Variants in HNRNPA3 observed in about 807,000 individuals in gnomAD.
HNRNPA3 encodes the protein heterogeneous nuclear ribonucleoprotein A3, also known as epididymis secretory sperm binding protein.
HNRNPA3 carries 3 observed loss-of-function variants against 45.8 expected under a neutral mutation model. That is an observed-to-expected ratio of 0.07 (90% CI 0.03 to 0.17). The LOEUF is 0.17. Ranked by LOEUF, HNRNPA3 falls within the 10% of genes least tolerant of loss-of-function variation. HNRNPA3 has a pLI of 1.00. For synonymous variants in HNRNPA3, 170 were observed against 155.6 expected (o/e 1.09, Z -0.69); for missense variants, 183 against 480.3 (o/e 0.38, Z 5.79).
chr2:177,216,828 ATTATT>A (rs776389029), intron 6 of HNRNPA3, 27 bp from the exon 7 acceptor site: 6 of 1,612,818 alleles, frequency 3.7e-6, no homozygotes, highest in South Asian at 1.1e-5. Flanking sequence ...AGTTGAATAT[ATTATT>A]TTAATTCATT....
intron 7 of HNRNPA3, among the ~76,000 whole-genome samples, 174 bp from the exon 8 acceptor site, chr2:177,217,531 A>G (rs964408623): frequency 4.6e-5 from 7 of 152,244 alleles, no homozygotes; most frequent in African/African-American, 1.7e-4. Flanking sequence ...CAGGAGACTG[A>G]GGTGGGAGAA....
In HNRNPA3 at chr2:177,215,527, T is replaced by A; in HGVS notation, c.73-12T>A. ...TGTAAGGTAACTTAAGAGTATTGGT[T>A]CTTTCTCTCAGGGCCATGATCCAAA... On this transcript the variant is annotated splice_polypyrimidine_tract_variant and intron_variant, in intron 1 of 10. Transcript: ENST00000392524. 1.2e-6 allele frequency: 2 copies of A among 1,613,774 alleles called. No homozygotes were observed. Among genetic ancestry groups the A allele is most frequent in the Non-Finnish European group, 1.7e-6 (2 of 1,179,718 alleles).
chr2:177,218,045 C>CTT (rs1182076649), intron 8 of HNRNPA3, among the ~76,000 whole-genome samples, 200 bp downstream of exon 8: 8 of 107,658 alleles, frequency 7.4e-5, no homozygotes, highest in African/African-American at 2.2e-4. Context: ...ACTCAGCTCT[C>CTT]TTTTTTCTTT....
chr2:177,219,016 A>G (rs991134339), intron 8 of HNRNPA3, 21 bp from the exon 9 acceptor site: 2 of 1,611,558 alleles, frequency 1.2e-6, no homozygotes, highest in South Asian at 1.1e-5. Flanking sequence ...TAAACCACAC[A>G]TAAAACCTTT....
intron 1 of HNRNPA3, 134 bp downstream of exon 1, chr2:177,213,005 G>C (rs1688747706): frequency 1.8e-6 from 1 of 551,260 alleles, no homozygotes; most frequent in Admixed American, 3.9e-5. Context: ...GGGAGGGGGA[G>C]GGGAGCGAGA....
rs146423402 is a variant in HNRNPA3 at position 177,216,887 on chromosome 2, G to A, written c.767G>A (p.Ser256Asn). The A allele has an allele frequency of 9.1e-5, 146 of 1,605,014 alleles. No homozygotes were observed. The African/African-American group carries it at 1.7e-3, about 19-fold the overall frequency. Residue 256 changes from serine (S) to asparagine (N), a missense_variant, in exon 7 of 11, where the codon AGC becomes AAC. Ser to Asn is a conservative substitution (Grantham distance 46, BLOSUM62 1). This residue lies in a region of HNRNPA3 where 123 missense variants were observed against 228.8 expected (regional missense o/e 0.54). Transcript: ENST00000392524. Reference sequence around the variant, plus strand: ...GGCTATGGTGGTGGAGGTGGTGGCAGCAGAGGTAGTTATGGAGGAGGTGAT... The same window carrying A: ...GGCTATGGTGGTGGAGGTGGTGGCAACAGAGGTAGTTATGGAGGAGGTGAT...
downstream of HNRNPA3, chr2:177,222,170 C>G (rs1010922676): frequency 6.6e-6 from 1 of 152,594 alleles, no homozygotes; most frequent in Admixed American, 6.5e-5. Context: ...CTGATGACAC[C>G]ATTTGTTTCC....
intron 8 of HNRNPA3, among the ~76,000 whole-genome samples, chr2:177,218,464 T>G (rs2105435054): frequency 6.6e-6 from 1 of 151,836 alleles, no homozygotes; most frequent in East Asian, 1.9e-4. Context: ...TTGCCAAAAT[T>G]TTACTTAACT....
chr2:177,220,805 TTA>T (rs2105439094), downstream of HNRNPA3: 1 of 152,770 alleles, frequency 6.5e-6, no homozygotes, highest in South Asian at 2.1e-4. Context: ...GAGAAGAGTT[TTA>T]GTTAATAAGG....
At chr2:177,216,388 GAGTCACTACC>G in intron 4 of HNRNPA3, 105 bp from the exon 5 acceptor site, 1 of 773,534 alleles carries the variant, frequency 1.3e-6, no homozygotes, top group Non-Finnish European at 2.1e-6. Context: ...TTCATTACCA[GAGTCACTACC>G]TGATTATGTC....
chr2:177,220,541 G>A (rs1689144855), downstream of HNRNPA3: 1 of 152,788 alleles, frequency 6.5e-6, no homozygotes, highest in African/African-American at 2.4e-5. Flanking sequence ...CTAACTGGCT[G>A]GCATGCTTTC....
At chr2:177,223,573 C>G (rs1689281369), downstream of HNRNPA3, 1 of 152,082 alleles carries the variant, frequency 6.6e-6, no homozygotes, top group Non-Finnish European at 1.5e-5. Context: ...TTGAAATAGG[C>G]TTGGTTTTAA....
chr2:177,217,000 A>G, intron 7 of HNRNPA3, 60 bp downstream of exon 7: 1 of 1,378,216 alleles, frequency 7.3e-7, no homozygotes, highest in East Asian at 2.6e-5. Flanking sequence ...ATTGAAAATT[A>G]TTTATTACAC....
chr2:177,218,385 G>A (rs1327935302), intron 8 of HNRNPA3, among the ~76,000 whole-genome samples: 1 of 152,058 alleles, frequency 6.6e-6, no homozygotes, highest in East Asian at 1.9e-4. Context: ...TTTTAGTTGA[G>A]TAGTAAAAAA....
At chr2:177,212,862 G>C in exon 1 of HNRNPA3, 3 of 1,521,492 alleles carry the variant, frequency 2.0e-6, no homozygotes, top group Non-Finnish European at 2.7e-6. Flanking sequence ...GTCGCCGCCG[G>C]GGGGAGGAGG....
At chr2:177,219,006 TAAACC>T (rs747924762) in intron 8 of HNRNPA3, 26 bp from the exon 9 acceptor site, 1 of 1,608,804 alleles carries the variant, frequency 6.2e-7, no homozygotes. Flanking sequence ...ATTGTGTAGG[TAAACC>T]ACACATAAAA....
chr2:177,217,714 A>G (rs1689005576), exon 8 of HNRNPA3: 1 of 1,612,568 alleles, frequency 6.2e-7, no homozygotes, highest in African/African-American at 1.3e-5. Context: ...GGTGGCAACT[A>G]TGGCGGTGGT....
At position 177,216,207 on chromosome 2, in the gene HNRNPA3, T is replaced by TA. The variant is rs1558969298; in HGVS notation, c.553+21dup. 1 of 1,464,876 alleles carries TA rather than the reference T, an allele frequency of 6.8e-7. No homozygotes were observed. The highest frequency in any genetic ancestry group is 2.3e-5 in the East Asian group (1 of 44,162). The allele number at this position is 1,464,876 out of a possible 1,614,324, so 90.7% of individuals were successfully genotyped here. A position where few individuals can be genotyped will look rare whatever the true frequency, so the allele number is the denominator to read the frequency against. ...ATTGTTGGTAAGTAGCAATTTATGG[T>TA]AACTTGAATGAGAAAGTAGAACTGG... On this transcript the variant is annotated intron_variant, in intron 4 of 10. Coordinates refer to ENST00000392524, the Ensembl canonical transcript of HNRNPA3.
At chr2:177,220,954 T>A (rs1243070515), downstream of HNRNPA3, 3 of 152,622 alleles carry the variant, frequency 2.0e-5, no homozygotes, top group Non-Finnish European at 2.9e-5. Context: ...AGTCTTTTGT[T>A]TTAAGAAGTA....
Sources: gnomAD v4.1 joint callset for allele counts (sites outside exome capture counted in the v4.1 genomes callset) on GRCh38, gnomAD v4.1.1 for gene constraint, gnomAD v4.1.1 regional missense constraint, MANE v1.5 for transcripts, NCBI Gene and HGNC (gene_info 2026-07-23, HGNC 2026-07-21) for gene names.